DLGAP2: variants seen among roughly 807,000 people sequenced by gnomAD.
DLGAP2 encodes the protein disks large-associated protein 2.
DLGAP2 carries 26 observed loss-of-function variants against 100.3 expected under a neutral mutation model. The observed-to-expected ratio is 0.26, with a 90% CI of 0.19 to 0.36. DLGAP2 has a LOEUF of 0.36. Ranked by LOEUF, DLGAP2 falls within the 10% of genes least tolerant of loss-of-function variation. The pLI is 1.00. For missense variants in DLGAP2, 1,858 were observed against 1,453.2 expected, an observed-to-expected ratio of 1.28 and a Z score of -4.53; for synonymous variants, 886 against 630.1, an observed-to-expected ratio of 1.41 and a Z score of -6.08.
intron 6 of DLGAP2, among the ~76,000 whole-genome samples, chr8:1,605,415 C>T (rs1584983343): frequency 6.6e-6 from 1 of 152,198 alleles, no homozygotes; most frequent in South Asian, 2.1e-4. Flanking sequence ...TCCATATTCC[C>T]CTGACGTCTT....
chr8:1,314,692 C>T (rs1347063089), intron 3 of DLGAP2, among the ~76,000 whole-genome samples: 1 of 152,148 alleles, frequency 6.6e-6, no homozygotes, highest in Non-Finnish European at 1.5e-5. Context: ...GCTGGGGGCC[C>T]CTCTCCCACC....
chr8:1,562,391 TC>T (rs1165767829), intron 5 of DLGAP2, among the ~76,000 whole-genome samples: 1 of 55,570 alleles, frequency 1.8e-5, no homozygotes, highest in Non-Finnish European at 3.4e-5. Flanking sequence ...TGTGTGGTGT[TC>T]GGGTGTCCGC....
intron 10 of DLGAP2, among the ~76,000 whole-genome samples, chr8:1,672,288 C>T (rs1379106724): frequency 5.3e-5 from 8 of 150,550 alleles, no homozygotes; most frequent in African/African-American, 1.2e-4. Context: ...GTGCGTGGCA[C>T]GATCTCAGGT....
intron 1 of DLGAP2, among the ~76,000 whole-genome samples, chr8:889,513 G>C (rs1797991358): frequency 6.6e-6 from 1 of 152,150 alleles, no homozygotes; most frequent in Non-Finnish European, 1.5e-5. Context: ...TTCTTGCAGG[G>C]AAGCCACCCA....
At chr8:1,271,551 T>C (rs1799584720) in intron 3 of DLGAP2, among the ~76,000 whole-genome samples, 1 of 152,132 alleles carries the variant, frequency 6.6e-6, no homozygotes, top group Non-Finnish European at 1.5e-5. Flanking sequence ...CCGAGAAACA[T>C]CTGAAAATTC....
At chr8:1,120,230 T>C (rs1796003039) in intron 2 of DLGAP2, among the ~76,000 whole-genome samples, 1 of 152,084 alleles carries the variant, frequency 6.6e-6, no homozygotes, top group Non-Finnish European at 1.5e-5. Flanking sequence ...GCTGCTTCTG[T>C]GGCTCACACC....
Position 1,392,008 on chromosome 8 carries a change from G to T in DLGAP2, c.107-109358G>T, listed in dbSNP as rs138156472. ...AAAACCAGGTCGTAGGACTGAGAGCGTGAAGAACTGTTTGAATCGCCTTAT... is the reference window on the plus strand; with the variant it reads ...AAAACCAGGTCGTAGGACTGAGAGCTTGAAGAACTGTTTGAATCGCCTTAT... On this transcript the variant is annotated intron_variant, in intron 3 of 14. Transcript: ENST00000637795. Among the ~76,000 whole-genome samples, 385 of 152,302 alleles carry T rather than the reference G, an allele frequency of 2.5e-3. 4 individuals are homozygous for T. Among genetic ancestry groups the T allele is most frequent in the African/African-American group, 8.7e-3 (363 of 41,572 alleles).
At chr8:814,483 A>G (rs1796427088) in intron 1 of DLGAP2, among the ~76,000 whole-genome samples, 1 of 152,218 alleles carries the variant, frequency 6.6e-6, no homozygotes, top group Non-Finnish European at 1.5e-5. Context: ...TATTACTAGT[A>G]AGGGCTGGAT....
chr8:922,560 C>G (rs1437057263), intron 2 of DLGAP2, among the ~76,000 whole-genome samples: 2 of 152,296 alleles, frequency 1.3e-5, no homozygotes, highest in Admixed American at 6.5e-5. Flanking sequence ...AAAATTATTT[C>G]TAAGCAGCAC....
chr8:919,585 G>A (rs1798666499), intron 2 of DLGAP2, among the ~76,000 whole-genome samples: 1 of 152,200 alleles, frequency 6.6e-6, no homozygotes, highest in Non-Finnish European at 1.5e-5. Context: ...TTCACACTGG[G>A]GTCCTGAGAA....
At chr8:1,367,673 G>C (rs1802138261) in intron 3 of DLGAP2, among the ~76,000 whole-genome samples, 1 of 152,240 alleles carries the variant, frequency 6.6e-6, no homozygotes, top group African/African-American at 2.4e-5. Context: ...TGGAAACTAT[G>C]CTACGTCTTA....
intron 3 of DLGAP2, among the ~76,000 whole-genome samples, chr8:1,447,913 C>T (rs1426200762): frequency 2.0e-5 from 3 of 152,186 alleles, no homozygotes; most frequent in African/African-American, 7.2e-5. Context: ...GTTTGTATTT[C>T]TGTGGGATCG....
intron 3 of DLGAP2, among the ~76,000 whole-genome samples, chr8:1,280,502 G>C (rs1799794141): frequency 6.6e-6 from 1 of 152,200 alleles, no homozygotes; most frequent in Non-Finnish European, 1.5e-5. Flanking sequence ...TTTAGGAAAA[G>C]GTAATAGTTT....
intron 2 of DLGAP2, among the ~76,000 whole-genome samples, chr8:985,223 G>A (rs1236283926): frequency 2.6e-5 from 4 of 152,186 alleles, no homozygotes; most frequent in Non-Finnish European, 5.9e-5. Context: ...CAAGATACAA[G>A]GTCCGAAGGC....
At chr8:883,227 C>G (rs779590056) in intron 1 of DLGAP2, 1 of 152,470 alleles carries the variant, frequency 6.6e-6, no homozygotes, top group Non-Finnish European at 1.5e-5. Context: ...CCACGGCCTC[C>G]ACGTGCAGTG....
intron 1 of DLGAP2, among the ~76,000 whole-genome samples, chr8:762,098 ACTC>A (rs1273435094): frequency 6.6e-6 from 1 of 152,034 alleles, no homozygotes; most frequent in African/African-American, 2.4e-5. Context: ...CTGTCACAGA[ACTC>A]CTGTGTGTCT....
At position 1,549,027 on chromosome 8, in the gene DLGAP2, C is replaced by T; in HGVS notation, c.574C>T (p.Leu192=). The stretch of plus-strand genomic sequence containing the variant: ...CAAGATCAACCGCATCCCGGCCAAC[C>T]TGCTGGACCAGTTCGAGAAGCAGCT... ...GAKINRIPAN[L]LDQFEKQLPL... is the part of the protein sequence containing the mutation. Residue 192 remains leucine (L), a synonymous_variant, in exon 5 of 15, where the codon CTG becomes TTG. Coordinates refer to ENST00000637795, the MANE Select transcript of DLGAP2 (RefSeq NM_001346810.2). 6.3e-7 allele frequency: 1 copy of T among 1,596,624 alleles called. No individual in the cohort carries two copies. The highest frequency in any genetic ancestry group is 8.5e-7 in the Non-Finnish European group (1 of 1,176,798).
chr8:1,628,624 T>C (rs111308819), intron 7 of DLGAP2, among the ~76,000 whole-genome samples: 33 of 137,090 alleles, frequency 2.4e-4, no homozygotes, highest in South Asian at 2.5e-4. Flanking sequence ...AATTAAGAGC[T>C]TGAGCCGACC....
At chr8:794,733 G>T (rs1297711622) in intron 1 of DLGAP2, among the ~76,000 whole-genome samples, 1 of 152,168 alleles carries the variant, frequency 6.6e-6, no homozygotes, top group Non-Finnish European at 1.5e-5. Context: ...GGCCAGTTTT[G>T]GGGCCAGTTT....
Sources: allele counts gnomAD v4.1 joint callset (sites outside exome capture counted in the v4.1 genomes callset), GRCh38; gene constraint gnomAD v4.1.1; transcripts MANE v1.5; gene names NCBI Gene and HGNC (gene_info 2026-07-23, HGNC 2026-07-21).